RTN4: variants seen among roughly 807,000 people sequenced by gnomAD.
RTN4 encodes the protein reticulon 4, also known as reticulon-4.
A neutral mutation model predicts 90.4 loss-of-function variants in RTN4; 32 were observed. The observed-to-expected ratio is 0.35, with a 90% confidence interval of 0.27 to 0.48. The LOEUF is 0.48. Among genes scored for constraint, RTN4 ranks in the 20% least tolerant of loss-of-function variants. The pLI is 0.99. For missense variants in RTN4, 1,706 were observed against 1,430.2 expected, an observed-to-expected ratio of 1.19 and a Z score of -3.11; for synonymous variants, 629 against 552.5, an observed-to-expected ratio of 1.14 and a Z score of -1.94.
Position 54,973,555 on chromosome 2 carries a change from ATACT to A in RTN4, c.3536+4_3536+7del. Reference sequence around the variant, plus strand: ...CTAGTAAAAACACTGCAGATTTTAAATACTTACTTAGCCATAGCATCTTTAACAT... The same window carrying A: ...CTAGTAAAAACACTGCAGATTTTAAATACTTAGCCATAGCATCTTTAACAT... On this transcript the variant is annotated splice_donor_5th_base_variant and intron_variant, in intron 8 of 8. Transcript: ENST00000337526. The A allele has an allele frequency of 3.1e-6, 5 of 1,595,296 alleles. No homozygotes were observed. Among genetic ancestry groups the A allele is most frequent in the Non-Finnish European group, 3.4e-6 (4 of 1,163,030 alleles).
chr2:55,090,402 A>C (rs141759170), intron 1 of RTN4, among the ~76,000 whole-genome samples: 82 of 152,310 alleles, frequency 5.4e-4, no homozygotes, highest in Middle Eastern at 3.4e-3. Context: ...TTCCCTGCAC[A>C]CTCAATATCT....
At chr2:55,035,031 T>C (rs1400082576) in intron 1 of RTN4, among the ~76,000 whole-genome samples, 1 of 152,074 alleles carries the variant, frequency 6.6e-6, no homozygotes, top group Non-Finnish European at 1.5e-5. Context: ...ATCTGAATAT[T>C]ATAAAATCCT....
chr2:55,030,049 A>C (rs1682190802), intron 1 of RTN4, among the ~76,000 whole-genome samples: 1 of 152,220 alleles, frequency 6.6e-6, no homozygotes, highest in Non-Finnish European at 1.5e-5. Flanking sequence ...ATTCTTAACA[A>C]AATGGTTGTC....
At chr2:54,974,046 GAAC>G in intron 6 of RTN4, 179 bp from the exon 7 acceptor site, 1 of 563,258 alleles carries the variant, frequency 1.8e-6, no homozygotes, top group Non-Finnish European at 3.1e-6. Context: ...AGGAATGAAT[GAAC>G]TGTGTGAGGC....
At chr2:55,006,651 C>T (rs1680248377) in intron 3 of RTN4, among the ~76,000 whole-genome samples, 1 of 152,134 alleles carries the variant, frequency 6.6e-6, no homozygotes, top group Non-Finnish European at 1.5e-5. Flanking sequence ...TTACCTCTGG[C>T]ACATTAACTG....
intron 3 of RTN4, among the ~76,000 whole-genome samples, chr2:55,008,065 T>C (rs1479412589): frequency 6.6e-6 from 1 of 151,810 alleles, no homozygotes; most frequent in Non-Finnish European, 1.5e-5. Flanking sequence ...ATATGAAGAA[T>C]ATATAAAAGA....
intron 1 of RTN4, among the ~76,000 whole-genome samples, chr2:55,030,289 T>G (rs1488691925): frequency 6.6e-6 from 1 of 152,128 alleles, no homozygotes; most frequent in East Asian, 1.9e-4. Context: ...AGTAAAAAAG[T>G]TTTCAAATTG....
chr2:55,131,087 G>A, the RTN4 span, among the ~76,000 whole-genome samples: 1 of 151,414 alleles, frequency 6.6e-6, no homozygotes, highest in Non-Finnish European at 1.5e-5. Context: ...GTTTTGGGGG[G>A]TTTTTTTTGA....
intron 2 of RTN4, among the ~76,000 whole-genome samples, chr2:55,073,766 T>C (rs1269052378): frequency 6.6e-6 from 1 of 152,218 alleles, no homozygotes; most frequent in Non-Finnish European, 1.5e-5. Flanking sequence ...GATTCACAGA[T>C]GTTGAAACTG....
At chr2:54,992,085 A>G (rs1305818974) in intron 3 of RTN4, among the ~76,000 whole-genome samples, 2 of 152,186 alleles carry the variant, frequency 1.3e-5, no homozygotes, top group African/African-American at 4.8e-5. Flanking sequence ...CTGTAATTCC[A>G]GCACTTTGGG....
chr2:54,978,393 C>T lies in RTN4; in HGVS notation c.3361-3629G>A, dbSNP rs187487550. On this transcript the variant is annotated intron_variant, in intron 5 of 8. Transcript: ENST00000337526. ...TGCAGTGAGCCTAAGATCGCACCACCGCCCTCCAGCCTGGGTGACACAGCG... is the reference window on the plus strand; with the variant it reads ...TGCAGTGAGCCTAAGATCGCACCACTGCCCTCCAGCCTGGGTGACACAGCG... Among the ~76,000 whole-genome samples, 473 of 148,274 alleles carry T rather than the reference C, an allele frequency of 3.2e-3. 2 individuals carry two copies. Among genetic ancestry groups the T allele is most frequent in the African/African-American group, 0.011 (448 of 40,118 alleles).
the RTN4 span, among the ~76,000 whole-genome samples, chr2:55,130,238 A>C: frequency 6.6e-6 from 1 of 152,250 alleles, no homozygotes; most frequent in South Asian, 2.1e-4. Flanking sequence ...TAAGTGAAAA[A>C]AGTGAATTGT....
intron 1 of RTN4, among the ~76,000 whole-genome samples, chr2:55,089,924 G>C (rs1156335811): frequency 6.6e-6 from 1 of 152,128 alleles, no homozygotes; most frequent in Non-Finnish European, 1.5e-5. Flanking sequence ...GCAGCAACTA[G>C]ACTGACTCCC....
intron 4 of RTN4, among the ~76,000 whole-genome samples, chr2:54,985,534 T>A (rs752827493): frequency 9.9e-5 from 15 of 152,084 alleles, no homozygotes; most frequent in Non-Finnish European, 2.2e-4. Context: ...TAAAATGGAG[T>A]GATACCACCT....
intron 2 of RTN4, among the ~76,000 whole-genome samples, chr2:55,073,913 C>G (rs902795961): frequency 1.3e-5 from 2 of 152,176 alleles, no homozygotes; most frequent in African/African-American, 2.4e-5. Flanking sequence ...GGTATACCAC[C>G]CACAGCACCA....
chr2:54,974,829 C>T, intron 5 of RTN4, 65 bp from the exon 6 acceptor site: 2 of 1,368,092 alleles, frequency 1.5e-6, no homozygotes, highest in Non-Finnish European at 2.1e-6. Flanking sequence ...ATTATGCTTT[C>T]AAAAGCATCC....
chr2:54,989,256 C>T (rs1678820513), intron 3 of RTN4, among the ~76,000 whole-genome samples: 2 of 152,200 alleles, frequency 1.3e-5, no homozygotes, highest in South Asian at 4.1e-4. Flanking sequence ...GATTCAAACA[C>T]TTATTTCAGT....
intron 1 of RTN4, among the ~76,000 whole-genome samples, chr2:55,088,791 G>A (rs1437879078): frequency 6.6e-6 from 1 of 152,112 alleles, no homozygotes; most frequent in Non-Finnish European, 1.5e-5. Flanking sequence ...AAAGGAGAGA[G>A]GAGACTGAAA....
chr2:55,103,666 C>T (rs984267469), intron 1 of RTN4, among the ~76,000 whole-genome samples: 1 of 152,032 alleles, frequency 6.6e-6, no homozygotes, highest in African/African-American at 2.4e-5. Context: ...CAGAAGACTT[C>T]TATACAGTTG....
Sources: gnomAD v4.1 joint callset for allele counts (sites outside exome capture counted in the v4.1 genomes callset) on GRCh38, gnomAD v4.1.1 for gene constraint, MANE v1.5 for transcripts, NCBI Gene and HGNC (gene_info 2026-07-23, HGNC 2026-07-21) for gene names.